VGLL4: variants seen among roughly 807,000 people sequenced by gnomAD.
VGLL4 encodes the protein transcription cofactor vestigial-like protein 4.
In VGLL4, 7 loss-of-function variants were observed where a neutral mutation model predicts 21.0. The ratio of observed to expected loss-of-function variants is 0.33; its 90% CI spans 0.19 to 0.63. The LOEUF is 0.63. VGLL4 is among the 20% of genes least tolerant of loss of function. VGLL4 has a pLI of 0.78. For missense variants in VGLL4, 394 were observed against 425.7 expected (o/e 0.93, Z 0.66); for synonymous variants, 222 against 173.2 (o/e 1.28, Z -2.21).
intron 2 of VGLL4, among the ~76,000 whole-genome samples, chr3:11,678,105 G>A (rs1281806758): frequency 6.6e-6 from 1 of 152,048 alleles, no homozygotes; most frequent in Non-Finnish European, 1.5e-5. Flanking sequence ...CCAGGCTAGA[G>A]TGCAGTAGCG....
At chr3:11,642,554 T>C (rs2075714146) in intron 1 of VGLL4, among the ~76,000 whole-genome samples, 2 of 152,224 alleles carry the variant, frequency 1.3e-5, no homozygotes, top group Non-Finnish European at 2.9e-5. Flanking sequence ...GAAAACACTC[T>C]TCCTGCCAGG....
At chr3:11,706,592 G>T (rs2076763940) in intron 1 of VGLL4, among the ~76,000 whole-genome samples, 1 of 152,202 alleles carries the variant, frequency 6.6e-6, no homozygotes, top group African/African-American at 2.4e-5. Context: ...TTTGGGGGTG[G>T]TTTGTGGATG....
rs540764459 is a variant in VGLL4, at chr3:11,575,911, C to A, written c.273-10892G>T. On this transcript the variant is annotated intron_variant, in intron 2 of 4. Coordinates refer to ENST00000430365, the MANE Select transcript of VGLL4 (RefSeq NM_001128219.3). ...ACCCGTTGCCTCTAGAGAGGCGGGA[C>A]TCACGGAAATGCTGGCCAGCAGCGC... Among the ~76,000 whole-genome samples, 6 of 152,326 alleles carry A rather than the reference C, an allele frequency of 3.9e-5. No individual in the cohort carries two copies. The East Asian group carries it at 1.2e-3, about 29-fold the overall frequency.
chr3:11,615,431 T>C (rs2075143684), intron 1 of VGLL4, among the ~76,000 whole-genome samples: 1 of 152,224 alleles, frequency 6.6e-6, no homozygotes. Flanking sequence ...TAAATCTTTT[T>C]GGCAAGAATA....
chr3:11,649,059 C>T (rs2075832792), intron 2 of VGLL4, among the ~76,000 whole-genome samples: 1 of 152,204 alleles, frequency 6.6e-6, no homozygotes, highest in Admixed American at 6.5e-5. Flanking sequence ...TGAAGAGTTT[C>T]ATAAAGATGC....
chr3:11,665,728 C>CAGGCACTGTGCT (rs2076113081), intron 2 of VGLL4, among the ~76,000 whole-genome samples: 2 of 152,246 alleles, frequency 1.3e-5, no homozygotes, highest in Non-Finnish European at 2.9e-5. Context: ...TCCCAGGTGC[C>CAGGCACTGTGCT]AGGCACTGTG....
At chr3:11,690,802 A>C (rs6782324) in intron 2 of VGLL4, among the ~76,000 whole-genome samples, 91,877 of 151,994 alleles carry the variant, frequency 0.6, 28,310 homozygotes, top group South Asian at 0.67. Context: ...TCTAAAGCCA[A>C]TGAGGATTAA....
Position 11,601,918 on chromosome 3 carries a change from T to A in VGLL4, c.187A>T (p.Lys63Ter). ...GPPPISPSKR[K>*]FSMEPGDEDL... ...TCGTCACCTGGCTCCATGCTGAACT[T>A]CCTCTTGCTGGGGCTGATTGGGGGA... The change falls in exon 2 of 5, where the codon AAG (lysine) becomes TAG (stop). Residue 63 changes from lysine to a stop codon, truncating the protein, a stop_gained. Transcript: ENST00000430365. LOFTEE classifies it high-confidence loss of function. 6.2e-7 allele frequency: 1 copy of A among 1,613,776 alleles called. No homozygotes were observed. Among genetic ancestry groups the A allele is most frequent in the Non-Finnish European group, 8.5e-7 (1 of 1,179,858 alleles).
Position 11,675,361 on chromosome 3 carries a change from A to T in VGLL4, c.64+27610T>A, listed in dbSNP as rs77566831. On this transcript the variant is annotated intron_variant, in intron 2 of 5. Coordinates refer to the VGLL4 transcript ENST00000273038. The stretch of plus-strand genomic sequence containing the variant: ...GCACTGTCTCAAAAAATAAAAAATA[A>T]AAAAATAAAAAAATGTAACATAGGC... 8.3e-3 allele frequency among the ~76,000 whole-genome samples: 1,251 copies of T among 151,004 alleles called. 19 individuals carry two copies. The highest frequency in any genetic ancestry group is 0.029 in the African/African-American group (1,203 of 41,270).
chr3:11,680,517 C>A (rs1315818170), intron 2 of VGLL4, among the ~76,000 whole-genome samples: 1 of 152,138 alleles, frequency 6.6e-6, no homozygotes, highest in Non-Finnish European at 1.5e-5. Flanking sequence ...ACCAGTAGTG[C>A]CAAAACACAA....
chr3:11,638,030 T>C (rs1406481303), intron 1 of VGLL4, among the ~76,000 whole-genome samples: 1 of 152,188 alleles, frequency 6.6e-6, no homozygotes, highest in African/African-American at 2.4e-5. Flanking sequence ...GGTCCGACTG[T>C]TTTTATATAT....
At chr3:11,645,446 C>T (rs1227537992), upstream of VGLL4, among the ~76,000 whole-genome samples, 3 of 144,438 alleles carry the variant, frequency 2.1e-5, no homozygotes, top group South Asian at 2.2e-4. Flanking sequence ...GAAAATTAGC[C>T]GGGCGCGGTG....
chr3:11,597,045 G>C (rs6780175), intron 2 of VGLL4, among the ~76,000 whole-genome samples: 141,416 of 152,188 alleles, frequency 0.93, 65,836 homozygotes, highest in Non-Finnish European at 0.94. Context: ...ACAACCACAA[G>C]GAAATAATGG....
At chr3:11,651,493 C>T (rs1461372112) in intron 2 of VGLL4, among the ~76,000 whole-genome samples, 2 of 151,616 alleles carry the variant, frequency 1.3e-5, no homozygotes, top group East Asian at 1.9e-4. Context: ...GAATTACCAA[C>T]CCCCCGCCCC....
chr3:11,691,161 GT>G (rs924024691), intron 2 of VGLL4, among the ~76,000 whole-genome samples: 1 of 150,970 alleles, frequency 6.6e-6, no homozygotes, highest in Non-Finnish European at 1.5e-5. Flanking sequence ...ACAGGTTGTT[GT>G]TGTTGTTGTT....
chr3:11,674,362 C>T (rs1364795978), intron 2 of VGLL4, among the ~76,000 whole-genome samples: 1 of 152,146 alleles, frequency 6.6e-6, no homozygotes, highest in Non-Finnish European at 1.5e-5. Context: ...GTCCCAGACA[C>T]GGAACTGCGG....
At chr3:11,626,321 C>G (rs1259617274) in intron 1 of VGLL4, 1 of 456,316 alleles carries the variant, frequency 2.2e-6, no homozygotes, top group Non-Finnish European at 4.4e-6. Context: ...TGCAAGCACA[C>G]AAACAGACCA....
chr3:11,580,348 A>G (rs2125222625), intron 2 of VGLL4, among the ~76,000 whole-genome samples: 1 of 152,306 alleles, frequency 6.6e-6, no homozygotes, highest in African/African-American at 2.4e-5. Context: ...AGGCTGAGTA[A>G]TATTCCATTG....
chr3:11,595,287 T>A (rs567333095), intron 2 of VGLL4, among the ~76,000 whole-genome samples: 1 of 152,108 alleles, frequency 6.6e-6, no homozygotes, highest in East Asian at 1.9e-4. Flanking sequence ...CACAATGAGA[T>A]ACCATCTCAC....
Sources: gnomAD v4.1 joint callset for allele counts (sites outside exome capture counted in the v4.1 genomes callset) on GRCh38, gnomAD v4.1.1 for gene constraint, MANE v1.5 for transcripts, NCBI Gene and HGNC (gene_info 2026-07-23, HGNC 2026-07-21) for gene names.